Variants in BMPR1B observed in about 807,000 individuals in gnomAD.
BMPR1B encodes bone morphogenetic protein receptor type-1B.
BMPR1B carries 12 observed loss-of-function variants against 59.1 expected under a neutral mutation model. That is an observed-to-expected ratio of 0.20 (90% CI 0.13 to 0.33). The LOEUF is 0.33. Ranked by LOEUF, BMPR1B falls within the 10% of genes least tolerant of loss-of-function variation. The pLI is 1.00. For synonymous variants in BMPR1B, 237 were observed against 207.3 expected, an observed-to-expected ratio of 1.14 and a Z score of -1.23; for missense variants, 550 against 610.9, an observed-to-expected ratio of 0.90 and a Z score of 1.05.
intron 1 of BMPR1B, among the ~76,000 whole-genome samples, chr4:94,788,128 T>C (rs544103573): frequency 6.6e-6 from 1 of 152,176 alleles, no homozygotes; most frequent in Non-Finnish European, 1.5e-5. Flanking sequence ...CCCTGCAGTC[T>C]TAAGCTCTCC....
intron 3 of BMPR1B, among the ~76,000 whole-genome samples, chr4:95,030,189 C>T (rs1192945362): frequency 6.6e-6 from 1 of 151,982 alleles, no homozygotes; most frequent in Non-Finnish European, 1.5e-5. Context: ...GAAGTCCTTG[C>T]CCATGCCTAT....
intron 3 of BMPR1B, among the ~76,000 whole-genome samples, chr4:95,075,340 T>TA (rs1353396277): frequency 6.6e-6 from 1 of 152,178 alleles, no homozygotes; most frequent in East Asian, 1.9e-4. Context: ...CTGCTATACT[T>TA]ATGATTTTTA....
In BMPR1B at chr4:95,145,822, G is replaced by C. The variant is rs149957328; in HGVS notation, c.1077-2926G>C. ...GTAGTGCTAAAGGCACTTGCCAATAGGTTGATAGTGATCTTTCACAAAATT... is the reference window on the plus strand; with the variant it reads ...GTAGTGCTAAAGGCACTTGCCAATACGTTGATAGTGATCTTTCACAAAATT... On this transcript the variant is annotated intron_variant, in intron 10 of 12. Coordinates refer to ENST00000515059, the MANE Select transcript of BMPR1B (RefSeq NM_001203.3). Among the ~76,000 whole-genome samples, 5 of 152,284 alleles carry C rather than the reference G, an allele frequency of 3.3e-5. No individual in the cohort carries two copies. In the East Asian group the frequency reaches 7.7e-4, roughly 24 times the overall value.
At chr4:94,951,309 G>A (rs112229911) in intron 2 of BMPR1B, among the ~76,000 whole-genome samples, 10,937 of 152,188 alleles carry the variant, frequency 0.072, 1,092 homozygotes, top group African/African-American at 0.22. Flanking sequence ...CCAATACTAT[G>A]TTGAATAGGA....
chr4:94,997,072 T>C (rs912965704), intron 3 of BMPR1B, among the ~76,000 whole-genome samples: 1 of 152,210 alleles, frequency 6.6e-6, no homozygotes, highest in African/African-American at 2.4e-5. Context: ...AAGTCAATTA[T>C]GTTGTTTCAC....
intron 1 of BMPR1B, among the ~76,000 whole-genome samples, chr4:94,797,375 T>C (rs1723236735): frequency 6.6e-6 from 1 of 152,220 alleles, no homozygotes; most frequent in Non-Finnish European, 1.5e-5. Context: ...ATTATTTCTT[T>C]ATTTCCAGAA....
intron 2 of BMPR1B, among the ~76,000 whole-genome samples, chr4:94,973,463 G>T (rs1234641795): frequency 2.6e-5 from 4 of 152,184 alleles, no homozygotes; most frequent in African/African-American, 4.8e-5. Flanking sequence ...CATGAAGTCT[G>T]ACCATCTCCT....
Position 95,125,081 on chromosome 4 carries a change from A to G in BMPR1B, c.545A>G (p.Gln182Arg), listed in dbSNP as rs1384205404. 6.2e-7 allele frequency: 1 copy of G among 1,613,774 alleles called. No homozygotes were observed. The highest frequency in any genetic ancestry group is 1.3e-5 in the African/African-American group (1 of 74,922). The change falls in exon 8 of 13, where the codon CAG (glutamine) becomes CGG (arginine). Residue 182 changes from glutamine to arginine, a missense_variant. This residue lies in a region of BMPR1B where 318 missense variants were observed against 284.6 expected (regional missense o/e 1.12). Coordinates refer to ENST00000515059, the MANE Select transcript of BMPR1B (RefSeq NM_001203.3). ...GAATCCCTGAGAGACTTAATTGAGC[A>G]GTCTCAGAGCTCAGGAAGTGGATCA... The part of the protein sequence containing the change: ...PGESLRDLIE[Q>R]SQSSGSGSGL...
Position 95,125,225 on chromosome 4 carries a change from A to G in BMPR1B, c.585+104A>G, listed in dbSNP as rs1243720698. 65 of 1,425,682 alleles carry G rather than the reference A, an allele frequency of 4.6e-5. 2 individuals carry two copies. In the South Asian group the frequency reaches 7.5e-4, roughly 16 times the overall value. 88.3% of individuals were successfully genotyped at this position (1,425,682 alleles called of 1,614,324 possible). On this transcript the variant is annotated intron_variant, in intron 8 of 12. Transcript: ENST00000515059. ...GAAATAGGGCACTGGACAAGGAGAA[A>G]GCTCTATGCAGTCTGTTGGACATCC...
At chr4:94,976,339 G>A (rs1731032556) in intron 2 of BMPR1B, among the ~76,000 whole-genome samples, 1 of 152,212 alleles carries the variant, frequency 6.6e-6, no homozygotes, top group African/African-American at 2.4e-5. Context: ...GCCATGGTCA[G>A]AAATTCAAGG....
intron 1 of BMPR1B, among the ~76,000 whole-genome samples, chr4:94,841,071 G>C (rs1725045237): frequency 6.8e-6 from 1 of 148,074 alleles, no homozygotes; most frequent in Non-Finnish European, 1.5e-5. Context: ...CAGTTAGGCT[G>C]TTCGGGTGTC....
chr4:94,875,007 T>A (rs1489420889), intron 1 of BMPR1B, among the ~76,000 whole-genome samples: 1 of 151,870 alleles, frequency 6.6e-6, no homozygotes, highest in Non-Finnish European at 1.5e-5. Context: ...AAAATAATAA[T>A]AAATAAATCT....
chr4:95,085,904 G>A (rs1729535590), intron 3 of BMPR1B, among the ~76,000 whole-genome samples: 1 of 152,024 alleles, frequency 6.6e-6, no homozygotes, highest in South Asian at 2.1e-4. Context: ...AAAATATTAG[G>A]AACATTTGGC....
chr4:95,153,203 C>G (rs1167096191), intron 12 of BMPR1B, among the ~76,000 whole-genome samples: 1 of 152,112 alleles, frequency 6.6e-6, no homozygotes, highest in Non-Finnish European at 1.5e-5. Context: ...AGTTAAGATG[C>G]CTGACTGTGC....
intron 2 of BMPR1B, among the ~76,000 whole-genome samples, chr4:94,975,357 GTTTTTGTT>G (rs1414536966): frequency 1.1e-4 from 10 of 94,220 alleles, no homozygotes; most frequent in African/African-American, 4.2e-4. Context: ...ATTTCCTTTT[GTTTTTGTT>G]TTTTTTTTTT....
chr4:94,793,794 T>C (rs1354865895), intron 1 of BMPR1B, among the ~76,000 whole-genome samples: 1 of 150,090 alleles, frequency 6.7e-6, no homozygotes, highest in South Asian at 2.1e-4. Flanking sequence ...TTTCATGTGT[T>C]TTTTGGCTGC....
intron 11 of BMPR1B, among the ~76,000 whole-genome samples, chr4:95,150,586 A>G (rs1347842239): frequency 6.6e-6 from 1 of 152,214 alleles, no homozygotes; most frequent in East Asian, 1.9e-4. Context: ...TTGAACATCT[A>G]AAACAAACAG....
chr4:94,832,000 C>T (rs1230424775), intron 1 of BMPR1B, among the ~76,000 whole-genome samples: 1 of 152,132 alleles, frequency 6.6e-6, no homozygotes, highest in Non-Finnish European at 1.5e-5. Context: ...GCTCAGGGCT[C>T]CCACTGATTC....
chr4:95,020,488 A>AG (rs1165336919), intron 3 of BMPR1B, among the ~76,000 whole-genome samples: 1 of 151,314 alleles, frequency 6.6e-6, no homozygotes, highest in East Asian at 2.0e-4. Flanking sequence ...CTGAGGCAGG[A>AG]GAATTGCTTG....
Sources: allele counts gnomAD v4.1 joint callset (sites outside exome capture counted in the v4.1 genomes callset), GRCh38; gene constraint gnomAD v4.1.1; regional missense constraint gnomAD v4.1.1; transcripts MANE v1.5; gene names NCBI Gene and HGNC (gene_info 2026-07-23, HGNC 2026-07-21).